The following ZNF782 variants were observed in gnomAD, a reference collection of about 807,000 sequenced individuals.
ZNF782 encodes zinc finger protein 782.
ZNF782 carries 12 observed loss-of-function variants against 13.0 expected under a neutral mutation model. That is an observed-to-expected ratio of 0.92 (90% CI 0.59 to 1.50). The LOEUF is 1.50. Among genes scored for constraint, ZNF782 ranks in the 40% most tolerant of loss-of-function variants. ZNF782 has a pLI of 0.00. For missense variants in ZNF782, 770 were observed against 822.9 expected, an observed-to-expected ratio of 0.94 and a Z score of 0.79; for synonymous variants, 284 against 283.0, an observed-to-expected ratio of 1.00 and a Z score of -0.04.
the ZNF782 span, among the ~76,000 whole-genome samples, chr9:96,930,910 T>G: frequency 9.2e-6 from 1 of 108,128 alleles, no homozygotes; most frequent in Non-Finnish European, 1.8e-5. Flanking sequence ...TTTTTTTTTT[T>G]TTGAGACGGA....
At chr9:96,824,545 T>A (rs994258503) in intron 5 of ZNF782, among the ~76,000 whole-genome samples, 3 of 151,150 alleles carry the variant, frequency 2.0e-5, no homozygotes, top group East Asian at 3.9e-4. Context: ...GTGTTGGAAG[T>A]TCTGGCCAGG....
intron 1 of ZNF782, among the ~76,000 whole-genome samples, chr9:96,872,486 G>A (rs1474054480): frequency 2.0e-5 from 3 of 151,372 alleles, no homozygotes; most frequent in African/African-American, 7.3e-5. Context: ...AGCCAAGATC[G>A]CGCCACTGCA....
At chr9:96,929,860 T>A in the ZNF782 span, among the ~76,000 whole-genome samples, 3 of 151,676 alleles carry the variant, frequency 2.0e-5, no homozygotes, top group African/African-American at 7.3e-5. Context: ...TACTACCTCA[T>A]GAACGGGCGA....
chr9:96,879,613 G>C (rs1404357047), upstream of ZNF782, among the ~76,000 whole-genome samples: 1 of 152,180 alleles, frequency 6.6e-6, no homozygotes. Flanking sequence ...TGACAGTGAA[G>C]TCATTATCAC....
At chr9:96,879,533 A>C (rs182164345), upstream of ZNF782, among the ~76,000 whole-genome samples, 23 of 152,286 alleles carry the variant, frequency 1.5e-4, no homozygotes, top group Admixed American at 1.3e-3. Context: ...ACAATGGGAC[A>C]CTTAAAGGCA....
At chr9:96,887,282 AAAGAAAGGAAGGAAGG>A in the ZNF782 span, 6 of 112,148 alleles carry the variant, frequency 5.4e-5, no homozygotes, top group South Asian at 1.3e-3. Context: ...CCATTGCAAA[AAAGAAAGGAAGGAAGG>A]AAGGAAGGAA....
In ZNF782 at chr9:96,819,082, T is replaced by G. The variant is rs373112190; in HGVS notation, c.941A>C (p.Glu314Ala). 2.0e-5 allele frequency: 33 copies of G among 1,614,006 alleles called. No homozygotes were observed. In the African/African-American group the frequency reaches 4.3e-4, roughly 21 times the overall value. ...ATTACGGTTGAAACTTTTTCCATAT[T>G]CAAAGGGTTTCACCCCTATATGAAC... The part of the protein sequence containing the change: ...HRVHIGVKPF[E>A]YGKSFNRNST... Residue 314 changes from glutamate (E) to alanine (A), a missense_variant, in exon 6 of 6, where the codon GAA becomes GCA. By Grantham distance (107) the Glu-to-Ala change is moderately radical. Transcript: ENST00000481138.
chr9:96,827,286 C>T (rs1850657238), intron 4 of ZNF782, 105 bp from the exon 5 acceptor site: 3 of 655,946 alleles, frequency 4.6e-6, no homozygotes, highest in East Asian at 3.0e-5. Context: ...AGGGTGCTCA[C>T]TGGACCTTCC....
chr9:96,838,394 G>T (rs559088728), intron 4 of ZNF782, among the ~76,000 whole-genome samples: 1 of 152,168 alleles, frequency 6.6e-6, no homozygotes, highest in Non-Finnish European at 1.5e-5. Context: ...TGACACTGCT[G>T]TTCAGGTCAT....
chr9:96,907,826 A>T, the ZNF782 span, among the ~76,000 whole-genome samples: 1,231 of 151,490 alleles, frequency 8.1e-3, 5 homozygotes, highest in East Asian at 0.084. Context: ...TTTTTAGTAG[A>T]GATGGGGTTT....
At chr9:96,910,779 G>A in the ZNF782 span, among the ~76,000 whole-genome samples, 1 of 148,608 alleles carries the variant, frequency 6.7e-6, no homozygotes, top group African/African-American at 2.5e-5. Context: ...TGGGACTACA[G>A]GCGCCCGCCA....
intron 3 of ZNF782, 27 bp downstream of exon 3, chr9:96,851,920 A>G: frequency 6.2e-7 from 1 of 1,610,630 alleles, no homozygotes; most frequent in South Asian, 1.1e-5. Flanking sequence ...ATTACAATAC[A>G]AAGTGGGGAA....
intron 3 of ZNF782, among the ~76,000 whole-genome samples, chr9:96,846,659 A>G (rs1279513665): frequency 6.6e-6 from 1 of 152,184 alleles, no homozygotes; most frequent in East Asian, 1.9e-4. Flanking sequence ...TCCCAAATTT[A>G]TATGCACTTA....
At chr9:96,844,827 G>C (rs1851297357) in intron 4 of ZNF782, 63 bp downstream of exon 4, 1 of 1,611,190 alleles carries the variant, frequency 6.2e-7, no homozygotes. Flanking sequence ...GGTATGGAGA[G>C]AGAGAAAGAG....
At chr9:96,838,862 C>T (rs1468769471) in intron 4 of ZNF782, among the ~76,000 whole-genome samples, 1 of 151,778 alleles carries the variant, frequency 6.6e-6, no homozygotes, top group Admixed American at 6.6e-5. Flanking sequence ...ATTACAGGCA[C>T]CCACCACCAC....
At chr9:96,882,136 G>A in the ZNF782 span, among the ~76,000 whole-genome samples, 19 of 151,956 alleles carry the variant, frequency 1.3e-4, no homozygotes, top group Non-Finnish European at 2.4e-4. Flanking sequence ...ATAGATTGAG[G>A]TGACTAAAGA....
At chr9:96,912,174 T>C in the ZNF782 span, among the ~76,000 whole-genome samples, 4 of 125,506 alleles carry the variant, frequency 3.2e-5, no homozygotes, top group African/African-American at 1.3e-4. Flanking sequence ...CACTGCAGCT[T>C]GGGCAAGAGT....
At chr9:96,911,432 C>CT in the ZNF782 span, among the ~76,000 whole-genome samples, 1 of 75,452 alleles carries the variant, frequency 1.3e-5, no homozygotes, top group Non-Finnish European at 2.3e-5. Context: ...GAGCAAGACT[C>CT]TGTCTCAAAA....
At chr9:96,846,459 TAGA>T (rs758227217) in intron 3 of ZNF782, among the ~76,000 whole-genome samples, 3 of 151,816 alleles carry the variant, frequency 2.0e-5, no homozygotes, top group African/African-American at 4.8e-5. Context: ...TCACCAAACA[TAGA>T]AGGATTCATA....
Sources: gnomAD v4.1 joint callset for allele counts (sites outside exome capture counted in the v4.1 genomes callset) on GRCh38, gnomAD v4.1.1 for gene constraint, MANE v1.5 for transcripts, NCBI Gene and HGNC (gene_info 2026-07-23, HGNC 2026-07-21) for gene names.